The following TMPRSS15 variants were observed in gnomAD, a reference collection of about 807,000 sequenced individuals.
The protein encoded by TMPRSS15 is transmembrane serine protease 15.
Under a neutral mutation model 125.3 loss-of-function variants are expected in TMPRSS15, and 128 were observed. The ratio of observed to expected loss-of-function variants is 1.02; its 90% CI spans 0.89 to 1.18. The LOEUF (loss-of-function observed/expected upper bound fraction) is 1.18, where lower values mean the gene tolerates loss of function less well. Among genes scored for constraint, TMPRSS15 ranks in the 50% most tolerant of loss-of-function variants. The pLI, the probability that TMPRSS15 is intolerant of heterozygous loss-of-function variation, is 0.00. For missense variants in TMPRSS15, 1,283 were observed against 1,212.7 expected (o/e 1.06, Z -0.86); for synonymous variants, 446 against 423.2 (o/e 1.05, Z -0.66).
At chr21:18,472,692 G>A (rs115663796) in intron 1 of TMPRSS15, among the ~76,000 whole-genome samples, 2,049 of 151,802 alleles carry the variant, frequency 0.013, 38 homozygotes, top group African/African-American at 0.046. Flanking sequence ...ATATTTGCCC[G>A]GTGATGCAAT....
At chr21:18,423,409 CTT>C (rs5842689) in intron 1 of TMPRSS15, among the ~76,000 whole-genome samples, 13,357 of 128,542 alleles carry the variant, frequency 0.1, 1,140 homozygotes, top group African/African-American at 0.28. Flanking sequence ...AAAATAAATT[CTT>C]TTTTTTTTTT....
At chr21:18,390,817 C>A (rs1295968231) in intron 3 of TMPRSS15, among the ~76,000 whole-genome samples, 3 of 152,066 alleles carry the variant, frequency 2.0e-5, no homozygotes, top group African/African-American at 7.2e-5. Context: ...AAAGAAATAC[C>A]TGAGACTGGG....
intron 18 of TMPRSS15, among the ~76,000 whole-genome samples, chr21:18,312,555 T>C (rs769893075): frequency 6.6e-6 from 1 of 151,572 alleles, no homozygotes; most frequent in Non-Finnish European, 1.5e-5. Flanking sequence ...GTAAATGTGT[T>C]GCAAAGATAT....
chr21:18,472,967 G>T (rs1336247752), intron 1 of TMPRSS15, among the ~76,000 whole-genome samples: 1 of 152,076 alleles, frequency 6.6e-6, no homozygotes, highest in East Asian at 1.9e-4. Flanking sequence ...CTACAAGATG[G>T]ATGTTATTGT....
intron 10 of TMPRSS15, among the ~76,000 whole-genome samples, chr21:18,347,650 A>G (rs1181183190): frequency 6.6e-6 from 1 of 152,186 alleles, no homozygotes; most frequent in African/African-American, 2.4e-5. Flanking sequence ...TCTGTTGTTT[A>G]ACATATTTTT....
chr21:18,346,016 T>C (rs1471600438), intron 10 of TMPRSS15, among the ~76,000 whole-genome samples: 2 of 151,972 alleles, frequency 1.3e-5, no homozygotes, highest in African/African-American at 4.8e-5. Flanking sequence ...ACATAATTAA[T>C]TATGTAGACT....
chr21:18,294,234 C>A (rs751417137), intron 21 of TMPRSS15, 36 bp downstream of exon 21: 2 of 1,613,228 alleles, frequency 1.2e-6, no homozygotes, highest in Non-Finnish European at 1.7e-6. Context: ...GCTGTGGTGA[C>A]CTAGTTTGGG....
At chr21:18,285,740 C>T (rs970563132) in intron 21 of TMPRSS15, among the ~76,000 whole-genome samples, 7 of 152,142 alleles carry the variant, frequency 4.6e-5, no homozygotes, top group African/African-American at 1.2e-4. Context: ...AGGTGACTCT[C>T]ATATAATGAT....
intron 13 of TMPRSS15, among the ~76,000 whole-genome samples, chr21:18,338,053 C>T (rs1339974791): frequency 6.6e-6 from 1 of 152,016 alleles, no homozygotes; most frequent in African/African-American, 2.4e-5. Flanking sequence ...GACAGGGACA[C>T]CAAGCTTGAC....
At chr21:18,282,636 CT>C (rs759462734) in intron 21 of TMPRSS15, among the ~76,000 whole-genome samples, 18 of 152,220 alleles carry the variant, frequency 1.2e-4, no homozygotes, top group Non-Finnish European at 2.6e-4. Context: ...TGCATTAGAA[CT>C]TGAAGAAATA....
chr21:18,403,451 T>G, intron 1 of TMPRSS15, 27 bp downstream of exon 1: 1 of 1,614,100 alleles, frequency 6.2e-7, no homozygotes, highest in Non-Finnish European at 8.5e-7. Context: ...TGAGAGCACC[T>G]TCACGAGCCA....
At chr21:18,470,508 C>T (rs1311548146) in intron 1 of TMPRSS15, among the ~76,000 whole-genome samples, 3 of 152,046 alleles carry the variant, frequency 2.0e-5, no homozygotes, top group Non-Finnish European at 2.9e-5. Flanking sequence ...ATTTCTCCCT[C>T]TGATACTCTG....
At chr21:18,375,307 A>G (rs1156718819) in intron 5 of TMPRSS15, among the ~76,000 whole-genome samples, 1 of 152,218 alleles carries the variant, frequency 6.6e-6, no homozygotes, top group Non-Finnish European at 1.5e-5. Flanking sequence ...AAAATCATCA[A>G]TTAAAACATT....
chr21:18,359,778 C>A lies in TMPRSS15; in HGVS notation c.859G>T (p.Gly287Ter), dbSNP rs1414949240. The A allele has an allele frequency of 3.5e-6, 5 of 1,448,230 alleles. No homozygotes were observed. In the African/African-American group the frequency reaches 5.6e-5, roughly 16 times the overall value. The allele number at this position is 1,448,230 out of a possible 1,614,324, so 89.7% of individuals were successfully genotyped here. A position where few individuals can be genotyped will look rare whatever the true frequency, so the allele number is the denominator to read the frequency against. Residue 287 changes from glycine (G) to a stop codon, truncating the protein, a stop_gained, in exon 8 of 25, where the codon GGA becomes TGA. Coordinates refer to ENST00000284885, the MANE Select transcript of TMPRSS15 (RefSeq NM_002772.3). LOFTEE classifies it high-confidence loss of function. ...TDILDIYEGV[G>*]SSKILRASIW... The stretch of plus-strand genomic sequence containing the variant: ...TTACCTCTTAAAATCTTGCTTGATC[C>A]TACACCTTCATAAATATCTAATATA...
intron 1 of TMPRSS15, among the ~76,000 whole-genome samples, chr21:18,421,014 A>ATAAGAT (rs1555911873): frequency 5.3e-5 from 8 of 152,150 alleles, no homozygotes; most frequent in Non-Finnish European, 1.5e-5. Flanking sequence ...TTATATGTAC[A>ATAAGAT]CTACATTTCT....
At chr21:18,341,996 T>C (rs1045335239) in intron 12 of TMPRSS15, among the ~76,000 whole-genome samples, 2 of 152,150 alleles carry the variant, frequency 1.3e-5, no homozygotes, top group African/African-American at 4.8e-5. Context: ...GAAAACACAC[T>C]GGGGGTGAAG....
At chr21:18,348,073 T>C (rs1451864525) in intron 10 of TMPRSS15, among the ~76,000 whole-genome samples, 1 of 152,164 alleles carries the variant, frequency 6.6e-6, no homozygotes. Flanking sequence ...TGATCCCAGC[T>C]ACTCAGGAGG....
chr21:18,474,295 A>ATT (rs67852303), intron 1 of TMPRSS15, among the ~76,000 whole-genome samples: 1 of 144,772 alleles, frequency 6.9e-6, no homozygotes, highest in African/African-American at 2.5e-5. Context: ...ACATTTTGCT[A>ATT]TTTTTTTTTT....
Position 18,403,697 on chromosome 21 carries a change from C to G in TMPRSS15, c.-75G>C. The G allele has an allele frequency of 6.3e-7, 1 of 1,588,398 alleles. No individual in the cohort carries two copies. The highest frequency in any genetic ancestry group is 8.6e-7 in the Non-Finnish European group (1 of 1,161,516). On this transcript the variant is annotated 5_prime_UTR_variant, in exon 1 of 25. Coordinates refer to ENST00000284885, the MANE Select transcript of TMPRSS15 (RefSeq NM_002772.3). Reference sequence around the variant, plus strand: ...AATTCTACCAACTGAAGAGAAAAATCTCTCAAATTTTTAAAGATGTGTAAA... The same window carrying G: ...AATTCTACCAACTGAAGAGAAAAATGTCTCAAATTTTTAAAGATGTGTAAA...
Sources: allele counts gnomAD v4.1 joint callset (sites outside exome capture counted in the v4.1 genomes callset), GRCh38; gene constraint gnomAD v4.1.1; transcripts MANE v1.5; gene names NCBI Gene and HGNC (gene_info 2026-07-23, HGNC 2026-07-21).